Variants in AHI1 observed in about 807,000 individuals in gnomAD.
The protein encoded by AHI1 is Abelson helper integration site 1.
AHI1 carries 123 observed loss-of-function variants against 149.3 expected under a neutral mutation model. That is an observed-to-expected ratio of 0.82 (90% CI 0.71 to 0.96). The LOEUF (loss-of-function observed/expected upper bound fraction) is 0.96. Among genes scored for constraint, AHI1 ranks in the 40% least tolerant of loss-of-function variants. AHI1 has a pLI of 0.00. For missense variants in AHI1, 1,439 were observed against 1,422.7 expected, an observed-to-expected ratio of 1.01 and a Z score of -0.18; for synonymous variants, 475 against 459.8, an observed-to-expected ratio of 1.03 and a Z score of -0.42.
chr6:135,477,634 A>C (rs1792899498), intron 5 of AHI1, among the ~76,000 whole-genome samples: 1 of 151,974 alleles, frequency 6.6e-6, no homozygotes, highest in Non-Finnish European at 1.5e-5. Context: ...TGATTGCTTG[A>C]AAGTGTGTAG....
chr6:135,291,925 C>T (rs557186106), intron 27 of AHI1, among the ~76,000 whole-genome samples: 6 of 152,186 alleles, frequency 3.9e-5, no homozygotes, highest in South Asian at 2.1e-4. Context: ...GCAGAGACAA[C>T]GATACAATGG....
At chr6:135,343,537 G>A (rs533520917) in intron 24 of AHI1, among the ~76,000 whole-genome samples, 17 of 151,440 alleles carry the variant, frequency 1.1e-4, no homozygotes, top group Non-Finnish European at 2.1e-4. Context: ...TAGAATAGGC[G>A]TGTGTATGGA....
intron 14 of AHI1, among the ~76,000 whole-genome samples, chr6:135,439,003 G>C (rs1785845012): frequency 6.6e-6 from 1 of 152,172 alleles, no homozygotes. Context: ...GACTCAATCA[G>C]ACACACAAAG....
intron 13 of AHI1, among the ~76,000 whole-genome samples, chr6:135,443,436 T>C (rs1786644516): frequency 6.6e-6 from 1 of 152,218 alleles, no homozygotes; most frequent in African/African-American, 2.4e-5. Context: ...AGTAAACATA[T>C]ACTGGGCTCT....
chr6:135,451,842 C>CTT (rs796268276), intron 11 of AHI1, among the ~76,000 whole-genome samples: 2 of 142,792 alleles, frequency 1.4e-5, no homozygotes, highest in Non-Finnish European at 3.1e-5. Flanking sequence ...GAGTTTTTTG[C>CTT]TTTTTTTTTT....
At chr6:135,438,323 C>T in intron 15 of AHI1, 52 bp downstream of exon 15, 2 of 1,458,570 alleles carry the variant, frequency 1.4e-6, no homozygotes, top group Non-Finnish European at 9.2e-7. Flanking sequence ...ATTCTCTTTG[C>T]TTTCCTTGAC....
chr6:135,423,715 T>C (rs1783540744), intron 20 of AHI1, among the ~76,000 whole-genome samples: 1 of 152,150 alleles, frequency 6.6e-6, no homozygotes, highest in African/African-American at 2.4e-5. Flanking sequence ...AGGTGCTTAA[T>C]AAAGATTTGT....
chr6:135,493,135 A>T (rs993203825), intron 3 of AHI1: 4 of 204,954 alleles, frequency 2.0e-5, no homozygotes, highest in Non-Finnish European at 3.4e-5. Context: ...AGTGGCTGGG[A>T]TTACAGGTGT....
intron 26 of AHI1, 116 bp downstream of exon 26, chr6:135,318,403 C>T: frequency 1.4e-6 from 1 of 731,674 alleles, no homozygotes; most frequent in Non-Finnish European, 2.3e-6. Flanking sequence ...TGTACCAAGA[C>T]ATAAAAAATA....
chr6:135,475,867 A>G (rs1792538043), intron 5 of AHI1, among the ~76,000 whole-genome samples: 1 of 152,186 alleles, frequency 6.6e-6, no homozygotes, highest in Admixed American at 6.5e-5. Context: ...CTAGTGAATT[A>G]TCAAGCCCGG....
chr6:135,319,630 TC>T (rs2128378321), intron 25 of AHI1, among the ~76,000 whole-genome samples: 1 of 152,334 alleles, frequency 6.6e-6, no homozygotes, highest in South Asian at 2.1e-4. Flanking sequence ...GGGTATTGAA[TC>T]TAAAGAGCTA....
intron 23 of AHI1, among the ~76,000 whole-genome samples, chr6:135,365,257 G>C (rs1359533518): frequency 1.3e-5 from 2 of 152,106 alleles, no homozygotes; most frequent in Admixed American, 1.3e-4. Flanking sequence ...CTCCATATTT[G>C]TTCTTTTTGC....
chr6:135,379,604 T>C (rs778136976), intron 23 of AHI1, among the ~76,000 whole-genome samples: 2 of 152,188 alleles, frequency 1.3e-5, no homozygotes, highest in Admixed American at 6.5e-5. Context: ...CCCATCTACC[T>C]ACCTATTTAA....
chr6:135,487,566 A>G (rs998404644), intron 5 of AHI1, among the ~76,000 whole-genome samples: 4 of 152,188 alleles, frequency 2.6e-5, no homozygotes, highest in Non-Finnish European at 5.9e-5. Flanking sequence ...TAATAGTTGT[A>G]CATATTTTGG....
intron 27 of AHI1, among the ~76,000 whole-genome samples, chr6:135,293,311 G>A (rs2128341934): frequency 7.2e-6 from 1 of 139,224 alleles, no homozygotes; most frequent in South Asian, 2.3e-4. Flanking sequence ...TTTCCCACAT[G>A]ATCAGGAACA....
At chr6:135,480,303 C>A (rs1793415841) in intron 5 of AHI1, among the ~76,000 whole-genome samples, 2 of 151,976 alleles carry the variant, frequency 1.3e-5, no homozygotes, top group South Asian at 2.1e-4. Context: ...CAGAAAAAAA[C>A]AAAAATTAGC....
chr6:135,496,532 T>C (rs912744850), intron 2 of AHI1, among the ~76,000 whole-genome samples: 5 of 152,244 alleles, frequency 3.3e-5, no homozygotes, highest in African/African-American at 7.2e-5. Flanking sequence ...CTGATTCTTA[T>C]ATATTCCATT....
intron 16 of AHI1, among the ~76,000 whole-genome samples, chr6:135,432,504 C>T (rs2128020505): frequency 6.6e-6 from 1 of 152,132 alleles, no homozygotes; most frequent in South Asian, 2.1e-4. Context: ...AGGTGCATGC[C>T]ACCACACCCG....
chr6:135,447,768 G>A (rs1787470713), intron 12 of AHI1, among the ~76,000 whole-genome samples: 1 of 152,164 alleles, frequency 6.6e-6, no homozygotes, highest in Non-Finnish European at 1.5e-5. Context: ...ATTACATACT[G>A]ATTATTTGAA....
Sources: allele counts gnomAD v4.1 joint callset (sites outside exome capture counted in the v4.1 genomes callset), GRCh38; gene constraint gnomAD v4.1.1; transcripts MANE v1.5; gene names NCBI Gene and HGNC (gene_info 2026-07-23, HGNC 2026-07-21).